The following FBXL13 variants were observed in gnomAD, a reference collection of about 807,000 sequenced individuals.
FBXL13 encodes the protein F-box and leucine rich repeat protein 13.
FBXL13 carries 67 observed loss-of-function variants against 83.6 expected under a neutral mutation model. The ratio of observed to expected loss-of-function variants is 0.80; its 90% CI spans 0.66 to 0.98. The LOEUF (loss-of-function observed/expected upper bound fraction) is 0.98, where lower values mean the gene tolerates loss of function less well. Ranked by LOEUF, FBXL13 falls within the 50% of genes least tolerant of loss-of-function variation. The pLI is 0.00. For synonymous variants in FBXL13, 272 were observed against 299.5 expected (o/e 0.91, Z 0.95); for missense variants, 822 against 866.5 (o/e 0.95, Z 0.64).
intron 2 of FBXL13, chr7:103,050,128 A>AT (rs1458653012): frequency 6.6e-6 from 1 of 152,238 alleles, no homozygotes; most frequent in African/African-American, 2.4e-5. Flanking sequence ...AAAGACACAC[A>AT]AAGCACATCA....
At chr7:102,834,138 G>GA (rs72255394) in intron 17 of FBXL13, among the ~76,000 whole-genome samples, 9,242 of 119,310 alleles carry the variant, frequency 0.077, 791 homozygotes, top group East Asian at 0.25. Flanking sequence ...AAGAAAGAAA[G>GA]AAAAGAGAAG....
At chr7:102,968,658 A>G (rs1489664910) in intron 6 of FBXL13, among the ~76,000 whole-genome samples, 2 of 152,250 alleles carry the variant, frequency 1.3e-5, no homozygotes, top group Non-Finnish European at 2.9e-5. Flanking sequence ...AGTAAATGCT[A>G]AAAGAAACAT....
At chr7:102,976,281 C>T in intron 6 of FBXL13, 2 of 682,298 alleles carry the variant, frequency 2.9e-6, no homozygotes, top group Admixed American at 4.1e-5. Flanking sequence ...ATTCTGCTTT[C>T]CCTAATTTTT....
intron 2 of FBXL13, among the ~76,000 whole-genome samples, chr7:103,044,179 T>C (rs529855404): frequency 2.0e-5 from 3 of 152,326 alleles, no homozygotes; most frequent in South Asian, 4.1e-4. Flanking sequence ...AGAGGAAGCA[T>C]TGAGAACCTG....
At chr7:102,952,002 A>G (rs1563140710) in intron 8 of FBXL13, among the ~76,000 whole-genome samples, 1 of 152,226 alleles carries the variant, frequency 6.6e-6, no homozygotes, top group Non-Finnish European at 1.5e-5. Flanking sequence ...CATACAATAA[A>G]ATATTATTTA....
At chr7:103,050,221 C>T (rs544066894) in intron 2 of FBXL13, among the ~76,000 whole-genome samples, 29 of 152,080 alleles carry the variant, frequency 1.9e-4, no homozygotes, top group African/African-American at 6.8e-4. Flanking sequence ...TAATTTTTGC[C>T]ATTCATTTAA....
Position 102,832,836 on chromosome 7 carries a change from A to G in FBXL13, c.1854+4T>C. ...TGTGTTTGAGCCCTGACTCCTGCAC[A>G]TACCTTTGGACAGCCAGCAATGCTG... On this transcript the variant is annotated splice_donor_region_variant and intron_variant, in intron 18 of 19. Transcript: ENST00000313221. 6.2e-7 allele frequency: 1 copy of G among 1,614,180 alleles called. No homozygotes were observed. The highest frequency in any genetic ancestry group is 8.5e-7 in the Non-Finnish European group (1 of 1,180,014).
intron 2 of FBXL13, among the ~76,000 whole-genome samples, chr7:103,047,376 C>G (rs191065421): frequency 1.3e-5 from 2 of 152,236 alleles, no homozygotes; most frequent in African/African-American, 4.8e-5. Flanking sequence ...TAATATTGGA[C>G]TTATGTCCTG....
intron 11 of FBXL13, among the ~76,000 whole-genome samples, chr7:102,893,025 A>G (rs1173933677): frequency 6.6e-6 from 1 of 152,202 alleles, no homozygotes. Flanking sequence ...ACAGTTTTGA[A>G]TTTAACTGTT....
At chr7:102,861,784 C>T (rs999047324) in intron 16 of FBXL13, among the ~76,000 whole-genome samples, 1 of 151,230 alleles carries the variant, frequency 6.6e-6, no homozygotes, top group Non-Finnish European at 1.5e-5. Flanking sequence ...GAGTTCACGA[C>T]CAGCCTGGCC....
At chr7:102,845,814 G>T (rs1803834081) in intron 17 of FBXL13, among the ~76,000 whole-genome samples, 1 of 152,114 alleles carries the variant, frequency 6.6e-6, no homozygotes, top group Non-Finnish European at 1.5e-5. Context: ...CCTTGTTAAA[G>T]TGATTTTTCT....
At chr7:103,029,495 A>G in intron 2 of FBXL13, 77 bp from the exon 4 acceptor site, 1 of 771,882 alleles carries the variant, frequency 1.3e-6, no homozygotes, top group Non-Finnish European at 1.9e-6. Context: ...AAGATACTCA[A>G]GAAAAAGAGA....
At chr7:103,001,620 C>T (rs1167682597) in intron 6 of FBXL13, among the ~76,000 whole-genome samples, 1 of 152,208 alleles carries the variant, frequency 6.6e-6, no homozygotes, top group Non-Finnish European at 1.5e-5. Flanking sequence ...ATAGCTAGAA[C>T]AAAGCAGGCA....
chr7:102,876,644 G>A (rs1212415991), intron 16 of FBXL13, among the ~76,000 whole-genome samples: 1 of 152,164 alleles, frequency 6.6e-6, no homozygotes, highest in African/African-American at 2.4e-5. Flanking sequence ...GGAGATGCAA[G>A]CAGAGAAATT....
chr7:102,832,478 A>G (rs1800882560), intron 18 of FBXL13, among the ~76,000 whole-genome samples: 2 of 152,260 alleles, frequency 1.3e-5, no homozygotes, highest in South Asian at 4.1e-4. Flanking sequence ...AAACACTTTT[A>G]GATCTAACCT....
At chr7:102,813,392 C>G (rs1797570955) in exon 20 of FBXL13, 1 of 1,613,904 alleles carries the variant, frequency 6.2e-7, no homozygotes, top group South Asian at 1.1e-5. Context: ...ACTGTTAATT[C>G]TAAGGCTCCT....
At chr7:102,887,826 A>C (rs1811001396) in intron 11 of FBXL13, among the ~76,000 whole-genome samples, 2 of 152,256 alleles carry the variant, frequency 1.3e-5, no homozygotes, top group Admixed American at 6.5e-5. Flanking sequence ...TAGCCTAACC[A>C]AAGTGACATA....
At chr7:102,912,816 T>C (rs1487743808) in intron 11 of FBXL13, among the ~76,000 whole-genome samples, 7 of 152,060 alleles carry the variant, frequency 4.6e-5, no homozygotes, top group Admixed American at 4.6e-4. Context: ...GCTTTAGACT[T>C]GTGCTCAGAC....
intron 17 of FBXL13, among the ~76,000 whole-genome samples, chr7:102,847,150 A>T (rs1804138270): frequency 6.6e-6 from 1 of 151,908 alleles, no homozygotes; most frequent in Admixed American, 6.6e-5. Context: ...TGCGACAGAG[A>T]CTGTATGGCC....
Sources: gnomAD v4.1 joint callset for allele counts (sites outside exome capture counted in the v4.1 genomes callset) on GRCh38, gnomAD v4.1.1 for gene constraint, MANE v1.5 for transcripts, NCBI Gene and HGNC (gene_info 2026-07-23, HGNC 2026-07-21) for gene names.